LDLRAD4: variants seen among roughly 807,000 people sequenced by gnomAD.
LDLRAD4 encodes the protein low density lipoprotein receptor class A domain containing 4.
LDLRAD4 carries 5 observed loss-of-function variants against 17.0 expected under a neutral mutation model. The observed-to-expected ratio is 0.29, with a 90% CI of 0.15 to 0.62. LDLRAD4 has a LOEUF of 0.62. Among genes scored for constraint, LDLRAD4 ranks in the 20% least tolerant of loss-of-function variants. The pLI is 0.84. For synonymous variants in LDLRAD4, 168 were observed against 171.8 expected, an observed-to-expected ratio of 0.98 and a Z score of 0.17; for missense variants, 340 against 424.7, an observed-to-expected ratio of 0.80 and a Z score of 1.75.
rs746854438 is a variant in LDLRAD4 at position 13,367,422 on chromosome 18, G to A, written c.-382-19919G>A. On this transcript the variant is annotated intron_variant, in intron 1 of 5. Coordinates refer to ENST00000359446, the Ensembl canonical transcript of LDLRAD4. This position sits in a 1 kb window ranked among gnomAD's most constrained non-coding sequence, Gnocchi z 4.1. Reference sequence around the variant, plus strand: ...GCGAGGGGGTCTCAGGCATTGAACTGCGTGGGGCACTCCATGGGGCAGAAA... The same window carrying A: ...GCGAGGGGGTCTCAGGCATTGAACTACGTGGGGCACTCCATGGGGCAGAAA... 2.0e-5 allele frequency among the ~76,000 whole-genome samples: 3 copies of A among 152,188 alleles called. No individual in the cohort carries two copies. The highest frequency in any genetic ancestry group is 2.9e-5 in the Non-Finnish European group (2 of 68,028).
chr18:13,609,861 A>G (rs1026086347), intron 3 of LDLRAD4, among the ~76,000 whole-genome samples: 3 of 152,190 alleles, frequency 2.0e-5, no homozygotes, highest in African/African-American at 4.8e-5. Flanking sequence ...GCACGCCTGT[A>G]ATCCCAGCTA....
intron 1 of LDLRAD4, among the ~76,000 whole-genome samples, chr18:13,301,802 C>A (rs891285689): frequency 6.6e-6 from 1 of 152,200 alleles, no homozygotes; most frequent in African/African-American, 2.4e-5. Flanking sequence ...AGGGACCAGG[C>A]GTCCTCTGTC....
intron 2 of LDLRAD4, among the ~76,000 whole-genome samples, chr18:13,390,484 A>G (rs987435799): frequency 1.3e-5 from 2 of 152,188 alleles, no homozygotes; most frequent in Non-Finnish European, 2.9e-5. Context: ...TCTCACCCTC[A>G]GAGACTGAGG....
intron 2 of LDLRAD4, among the ~76,000 whole-genome samples, chr18:13,426,479 C>T (rs1023429147): frequency 2.6e-5 from 4 of 152,152 alleles, no homozygotes; most frequent in Admixed American, 1.3e-4. Flanking sequence ...TGAGAGGTTC[C>T]CATCTCTCTG....
chr18:13,283,215 A>G (rs1408379601), intron 1 of LDLRAD4, among the ~76,000 whole-genome samples: 3 of 152,192 alleles, frequency 2.0e-5, no homozygotes, highest in Non-Finnish European at 4.4e-5. Flanking sequence ...TTGGAGATTA[A>G]CATTAGGCTT....
chr18:13,438,219 C>T (rs749605324), intron 2 of LDLRAD4, 25 bp from the exon 4 acceptor site: 29 of 1,610,368 alleles, frequency 1.8e-5, no homozygotes, highest in Non-Finnish European at 2.2e-5. Context: ...TTGACTGCTC[C>T]ATGCTTTATA....
At chr18:13,344,920 C>T (rs554985085) in intron 1 of LDLRAD4, among the ~76,000 whole-genome samples, 6 of 152,216 alleles carry the variant, frequency 3.9e-5, no homozygotes, top group African/African-American at 1.2e-4. Context: ...GTGATTTTTG[C>T]ACATTGATTT....
chr18:13,274,570 C>T (rs1182472782), upstream of LDLRAD4, among the ~76,000 whole-genome samples: 3 of 152,068 alleles, frequency 2.0e-5, no homozygotes, highest in South Asian at 2.1e-4. Flanking sequence ...AGCGTGGAGA[C>T]GATGATCACG....
intron 1 of LDLRAD4, among the ~76,000 whole-genome samples, chr18:13,376,449 C>T (rs1599769995): frequency 6.6e-6 from 1 of 152,332 alleles, no homozygotes; most frequent in East Asian, 1.9e-4. Context: ...TATATTCCCT[C>T]TTGCCAGCGG....
At chr18:13,424,152 GA>G (rs1380640199) in intron 2 of LDLRAD4, among the ~76,000 whole-genome samples, 1 of 129,582 alleles carries the variant, frequency 7.7e-6, no homozygotes, top group African/African-American at 2.7e-5. Context: ...AAAAAAGAAA[GA>G]AAAAAAAAAA....
intron 2 of LDLRAD4, among the ~76,000 whole-genome samples, chr18:13,394,239 C>G (rs1164808783): frequency 1.3e-5 from 2 of 152,072 alleles, no homozygotes; most frequent in African/African-American, 4.8e-5. Flanking sequence ...TGTTGTTATT[C>G]CCATAAGCAC....
chr18:13,382,161 C>T (rs1032435029), intron 1 of LDLRAD4, among the ~76,000 whole-genome samples: 4 of 152,252 alleles, frequency 2.6e-5, no homozygotes, highest in African/African-American at 9.6e-5. Flanking sequence ...TTATGCACTA[C>T]GGTTTTTTGA....
chr18:13,494,670 A>ATATATTTTATAT (rs376547861), intron 3 of LDLRAD4, among the ~76,000 whole-genome samples: 1 of 21,068 alleles, frequency 4.7e-5, no homozygotes, highest in African/African-American at 1.3e-4. Context: ...AGACATATTT[A>ATATATTTTATAT]ATAATATAAT....
intron 3 of LDLRAD4, among the ~76,000 whole-genome samples, chr18:13,592,283 C>T (rs934290851): frequency 9.2e-5 from 14 of 152,218 alleles, no homozygotes; most frequent in Non-Finnish European, 1.8e-4. Context: ...TAAATACACA[C>T]GTATTGTAAT....
chr18:13,463,589 C>A (rs1404322802), intron 3 of LDLRAD4, among the ~76,000 whole-genome samples: 1 of 152,228 alleles, frequency 6.6e-6, no homozygotes, highest in African/African-American at 2.4e-5. Context: ...CTTTAATTTA[C>A]ATCATCTAGT....
intron 3 of LDLRAD4, among the ~76,000 whole-genome samples, chr18:13,529,234 A>G (rs1019953586): frequency 2.0e-5 from 3 of 152,230 alleles, no homozygotes; most frequent in Non-Finnish European, 4.4e-5. Context: ...CACTGGCCAA[A>G]GGCCCATGTA....
intron 1 of LDLRAD4, among the ~76,000 whole-genome samples, chr18:13,356,645 C>T (rs1344992682): frequency 1.3e-5 from 2 of 152,130 alleles, no homozygotes; most frequent in African/African-American, 4.8e-5. Context: ...CTGGAACCAC[C>T]ACTCAAGTCA....
chr18:13,616,716 G>T (rs2040115493), intron 3 of LDLRAD4, among the ~76,000 whole-genome samples: 1 of 152,204 alleles, frequency 6.6e-6, no homozygotes, highest in Non-Finnish European at 1.5e-5. Context: ...GGTCTTTGTT[G>T]CCTGCAGGAA....
chr18:13,538,800 A>G (rs1488953744), intron 3 of LDLRAD4, among the ~76,000 whole-genome samples: 1 of 152,220 alleles, frequency 6.6e-6, no homozygotes, highest in Non-Finnish European at 1.5e-5. Flanking sequence ...TGCTGGGATG[A>G]CAGGCATGAG....
Sources: allele counts gnomAD v4.1 joint callset (sites outside exome capture counted in the v4.1 genomes callset), GRCh38; gene constraint gnomAD v4.1.1; non-coding constraint Gnocchi (gnomAD v3.1); transcripts MANE v1.5; gene names NCBI Gene and HGNC (gene_info 2026-07-23, HGNC 2026-07-21).